The following ATP10A variants were observed in gnomAD, a reference collection of about 807,000 sequenced individuals.
The protein encoded by ATP10A is phospholipid-transporting ATPase VA.
ATP10A carries 111 observed loss-of-function variants against 147.8 expected under a neutral mutation model. The ratio of observed to expected loss-of-function variants is 0.75; its 90% CI spans 0.64 to 0.88. The LOEUF is 0.88. Ranked by LOEUF, ATP10A falls within the 40% of genes least tolerant of loss-of-function variation. The pLI is 0.00. For synonymous variants in ATP10A, 875 were observed against 841.6 expected (o/e 1.04, Z -0.69); for missense variants, 1,927 against 1,959.0 (o/e 0.98, Z 0.31).
intron 1 of ATP10A, among the ~76,000 whole-genome samples, chr15:25,789,917 G>A (rs939573038): frequency 1.5e-4 from 23 of 152,066 alleles, no homozygotes; most frequent in African/African-American, 5.6e-4. Flanking sequence ...GCCTCCTGGG[G>A]GTGCAAAATC....
At chr15:25,722,824 C>G (rs1902326710) in intron 6 of ATP10A, among the ~76,000 whole-genome samples, 1 of 152,154 alleles carries the variant, frequency 6.6e-6, no homozygotes, top group Non-Finnish European at 1.5e-5. Flanking sequence ...CCCACTGCCC[C>G]CTCGTCCTCT....
chr15:25,705,309 G>A (rs1029728760), intron 12 of ATP10A, among the ~76,000 whole-genome samples: 5 of 151,824 alleles, frequency 3.3e-5, no homozygotes, highest in Admixed American at 1.3e-4. Flanking sequence ...GGTGGCACAC[G>A]CCTGTGGTCC....
chr15:25,731,878 T>C (rs1207853859), intron 3 of ATP10A, among the ~76,000 whole-genome samples: 1 of 152,194 alleles, frequency 6.6e-6, no homozygotes, highest in African/African-American at 2.4e-5. Context: ...TTGTTTCAGA[T>C]AGGGTCTCGC....
At chr15:25,690,648 A>C (rs899225710) in intron 15 of ATP10A, among the ~76,000 whole-genome samples, 6 of 152,220 alleles carry the variant, frequency 3.9e-5, no homozygotes, top group African/African-American at 7.2e-5. Flanking sequence ...AAATGTCCCC[A>C]TATAAGTGGA....
rs1057522705 is a variant in ATP10A at position 25,680,871 on chromosome 15, G to A, written c.3617C>T (p.Pro1206Leu). 1 of 1,614,118 alleles carries A rather than the reference G, an allele frequency of 6.2e-7. No homozygotes were observed. Among genetic ancestry groups the A allele is most frequent in the Admixed American group, 1.7e-5 (1 of 60,020 alleles). The change falls in exon 19 of 21, where the codon CCT (proline) becomes CTT (leucine). Residue 1206 changes from proline (P) to leucine (L), a missense_variant. Transcript: ENST00000555815. ...AGTGAGCAGCGCGATTGTCACAATA[G>A]GGGTCCCCCAGGTAAACAGGTCCAC... ...SNVDLFTWGT[P>L]IVTIALLTFL... is the part of the protein sequence containing the mutation.
intron 1 of ATP10A, among the ~76,000 whole-genome samples, chr15:25,855,967 T>C (rs1317825789): frequency 6.6e-6 from 1 of 152,242 alleles, no homozygotes; most frequent in Non-Finnish European, 1.5e-5. Context: ...ACTAATGTTA[T>C]TTTCTTGGTT....
At position 25,718,253 on chromosome 15, in the gene ATP10A, G is replaced by A. The variant is rs766814441; in HGVS notation, c.1510C>T (p.Arg504Cys). The A allele has an allele frequency of 3.1e-6, 5 of 1,612,826 alleles. No individual in the cohort carries two copies. The Admixed American group carries it at 5.0e-5, about 16-fold the overall frequency. ...TTGGCCTCGGCCCGGCTGCCCGTGC[G>A]CCGGTGGGACTTGGTGCTCTGGGTT... The part of the protein sequence containing the change: ...HRTQSTKSHR[R>C]TGSRAEAKRA... Residue 504 changes from arginine to cysteine, a missense_variant, in exon 8 of 21, where the codon CGC becomes TGC. By Grantham distance (180) the Arg-to-Cys change is radical (BLOSUM62 -3). Transcript: ENST00000555815.
intron 2 of ATP10A, among the ~76,000 whole-genome samples, chr15:25,766,753 C>T (rs1464562789): frequency 2.0e-5 from 3 of 152,072 alleles, no homozygotes; most frequent in South Asian, 4.2e-4. Context: ...CGCCTGCAAG[C>T]GCTCCTCGGG....
chr15:25,808,231 G>T (rs534083309), intron 1 of ATP10A, among the ~76,000 whole-genome samples: 8 of 152,190 alleles, frequency 5.3e-5, no homozygotes, highest in African/African-American at 1.9e-4. Flanking sequence ...TCTCATCATG[G>T]GTTTACTATC....
intron 13 of ATP10A, among the ~76,000 whole-genome samples, chr15:25,701,112 G>A (rs936711756): frequency 8.5e-5 from 13 of 152,170 alleles, no homozygotes; most frequent in African/African-American, 2.7e-4. Flanking sequence ...TGTACAATGT[G>A]GACAACGGGG....
chr15:25,757,354 G>T (rs1056959038), intron 2 of ATP10A, among the ~76,000 whole-genome samples: 2 of 151,998 alleles, frequency 1.3e-5, no homozygotes, highest in Non-Finnish European at 2.9e-5. Flanking sequence ...AAAAATAAAG[G>T]TTAAAATTCT....
intron 2 of ATP10A, among the ~76,000 whole-genome samples, chr15:25,768,709 G>A (rs1161035880): frequency 3.5e-5 from 1 of 28,962 alleles, no homozygotes; most frequent in Non-Finnish European, 7.3e-5. Context: ...TTTTTTTTTT[G>A]GTAGCAATAG....
At chr15:25,761,393 G>A (rs983484055) in intron 2 of ATP10A, among the ~76,000 whole-genome samples, 7 of 152,226 alleles carry the variant, frequency 4.6e-5, no homozygotes, top group African/African-American at 1.4e-4. Context: ...CCCCACAGGG[G>A]CAGCACCTAG....
intron 6 of ATP10A, 50 bp from the exon 7 acceptor site, chr15:25,721,959 TGGG>T (rs1375797375): frequency 6.4e-7 from 1 of 1,560,710 alleles, no homozygotes; most frequent in African/African-American, 1.4e-5. Context: ...ACCAGGGAGC[TGGG>T]GAATTACTCA....
chr15:25,777,092 C>CATGCGT (rs1307153179), intron 2 of ATP10A, among the ~76,000 whole-genome samples: 1 of 92,062 alleles, frequency 1.1e-5, no homozygotes, highest in Non-Finnish European at 2.5e-5. Flanking sequence ...TGTGTGCATA[C>CATGCGT]GTGCGTGTGT....
upstream of ATP10A, among the ~76,000 whole-genome samples, chr15:25,864,753 A>G (rs1328303120): frequency 6.6e-6 from 1 of 152,104 alleles, no homozygotes; most frequent in African/African-American, 2.4e-5. Flanking sequence ...AGAAACCCAA[A>G]CGGAGCATCA....
At chr15:25,723,376 CAA>C (rs1410451428) in intron 6 of ATP10A, among the ~76,000 whole-genome samples, 2 of 122,226 alleles carry the variant, frequency 1.6e-5, no homozygotes, top group African/African-American at 5.8e-5. Context: ...AAAAAAAAAA[CAA>C]AGTGAAGGAC....
At chr15:25,694,489 G>A (rs1348500763) in intron 14 of ATP10A, among the ~76,000 whole-genome samples, 1 of 152,206 alleles carries the variant, frequency 6.6e-6, no homozygotes, top group Non-Finnish European at 1.5e-5. Context: ...AGTGTGTAGT[G>A]CCCTCTGCTG....
chr15:25,701,861 G>A (rs745382321), intron 13 of ATP10A, 55 bp downstream of exon 13: 438 of 1,494,412 alleles, frequency 2.9e-4, no homozygotes, highest in Non-Finnish European at 3.8e-4. Flanking sequence ...AGGGGGCCAC[G>A]ATAAACATGG....
Sources: allele counts gnomAD v4.1 joint callset (sites outside exome capture counted in the v4.1 genomes callset), GRCh38; gene constraint gnomAD v4.1.1; transcripts MANE v1.5; gene names NCBI Gene and HGNC (gene_info 2026-07-23, HGNC 2026-07-21).